Variants in SINHCAF observed in about 807,000 individuals in gnomAD.
SINHCAF encodes the protein SIN3-HDAC complex-associated factor.
Under a neutral mutation model 25.8 loss-of-function variants are expected in SINHCAF, and 3 were observed. The ratio of observed to expected loss-of-function variants is 0.12; its 90% CI spans 0.05 to 0.30. The LOEUF (loss-of-function observed/expected upper bound fraction) is 0.30, where lower values mean the gene tolerates loss of function less well. Ranked by LOEUF, SINHCAF falls within the 10% of genes least tolerant of loss-of-function variation. The probability of loss-of-function intolerance (pLI) is 1.00; values close to 1 mark genes in which losing one functional copy is unlikely to be tolerated. For synonymous variants in SINHCAF, 70 were observed against 85.5 expected, an observed-to-expected ratio of 0.82 and a Z score of 1.00; for missense variants, 121 against 262.3, an observed-to-expected ratio of 0.46 and a Z score of 3.72.
At position 31,325,179 on chromosome 12, in the gene SINHCAF, G is replaced by C. The variant is rs1939913121; in HGVS notation, c.-21+845C>G. 1 of 456,666 alleles carries C rather than the reference G, an allele frequency of 2.2e-6. No homozygotes were observed. Among genetic ancestry groups the C allele is most frequent in the Non-Finnish European group, 4.4e-6 (1 of 226,996 alleles). The allele number at this position is 456,666 out of a possible 1,614,324, so 28.3% of individuals were successfully genotyped here. A position where few individuals can be genotyped will look rare whatever the true frequency, so the allele number is the denominator to read the frequency against. The stretch of plus-strand genomic sequence containing the variant: ...CAGCGCGGACGGCCGCCCATAAACG[G>C]GAAGCCCTCGCGGTGTCGCCCACAC... On this transcript the variant is annotated intron_variant, in intron 1 of 5. Coordinates refer to ENST00000337682, the MANE Select transcript of SINHCAF (RefSeq NM_001135812.2). This position sits in a 1 kb window ranked among gnomAD's most constrained non-coding sequence, Gnocchi z 5.9.
intron 1 of SINHCAF, among the ~76,000 whole-genome samples, chr12:31,299,675 C>T (rs1938705057): frequency 6.6e-6 from 1 of 152,170 alleles, no homozygotes; most frequent in African/African-American, 2.4e-5. Context: ...CCACAGAACA[C>T]TATCTTTTTA....
intron 1 of SINHCAF, among the ~76,000 whole-genome samples, chr12:31,298,766 G>C (rs1216299343): frequency 6.6e-6 from 1 of 152,164 alleles, no homozygotes; most frequent in Non-Finnish European, 1.5e-5. Flanking sequence ...GTGATAAATG[G>C]GAAGTTCTAA....
At chr12:31,315,730 G>A (rs1008738569) in intron 1 of SINHCAF, among the ~76,000 whole-genome samples, 2 of 152,146 alleles carry the variant, frequency 1.3e-5, no homozygotes, top group Non-Finnish European at 2.9e-5. Context: ...TGCTTTCACA[G>A]GTGTAATAAA....
Position 31,280,978 on chromosome 12 carries a change from A to G in SINHCAF, c.*1734T>C, listed in dbSNP as rs1435158906. The G allele has an allele frequency of 1.3e-5, 2 of 152,194 alleles. No homozygotes were observed. The highest frequency in any genetic ancestry group is 4.8e-5 in the African/African-American group (2 of 41,448). 9.4% of individuals were successfully genotyped at this position (152,194 alleles called of 1,614,324 possible). A position where few individuals can be genotyped will look rare whatever the true frequency, so the allele number is the denominator to read the frequency against. ...ATAGTCTGTGCATATGGTGGCTTGT[A>G]GCATGTAGGTTTTTTCCAAAAGAAG... is the stretch of plus-strand genomic sequence containing the variant. On this transcript the variant is annotated 3_prime_UTR_variant, in exon 6 of 6. Coordinates refer to ENST00000337682, the MANE Select transcript of SINHCAF (RefSeq NM_001135812.2).
At chr12:31,310,956 G>A (rs1442474901) in intron 1 of SINHCAF, among the ~76,000 whole-genome samples, 5 of 148,576 alleles carry the variant, frequency 3.4e-5, no homozygotes, top group East Asian at 2.0e-4. Flanking sequence ...TGCAACCTCC[G>A]CCTCTGAGGT....
chr12:31,308,423 C>T (rs1382211398), intron 1 of SINHCAF, among the ~76,000 whole-genome samples: 2 of 152,096 alleles, frequency 1.3e-5, no homozygotes, highest in Non-Finnish European at 2.9e-5. Context: ...TAGTAGGAAG[C>T]ATCAAAAAAG....
chr12:31,325,465 G>A lies in SINHCAF; in HGVS notation c.-21+559C>T, dbSNP rs773552835. On this transcript the variant is annotated intron_variant, in intron 1 of 5. Coordinates refer to ENST00000337682, the MANE Select transcript of SINHCAF (RefSeq NM_001135812.2). The surrounding 1 kb of genome is among the most constrained non-coding windows in gnomAD (Gnocchi z 5.9). Reference sequence around the variant, plus strand: ...ACCCTCGGCCGCCAGCTCGGAAGCGGATGGCAACTTAGTTTCCGAGCGAAT... The same window carrying A: ...ACCCTCGGCCGCCAGCTCGGAAGCGAATGGCAACTTAGTTTCCGAGCGAAT... 5.8e-6 allele frequency: 2 copies of A among 347,232 alleles called. No homozygotes were observed. Among genetic ancestry groups the A allele is most frequent in the Non-Finnish European group, 1.1e-5 (2 of 174,552 alleles). 21.5% of individuals were successfully genotyped at this position (347,232 alleles called of 1,614,324 possible).
intron 5 of SINHCAF, among the ~76,000 whole-genome samples, chr12:31,286,662 C>CAAAAAA (rs999169211): frequency 1.8e-5 from 1 of 55,218 alleles, no homozygotes. Context: ...AACTCCGTCT[C>CAAAAAA]AAAAAAAAAA....
At chr12:31,322,569 C>T (rs912663046) in intron 1 of SINHCAF, among the ~76,000 whole-genome samples, 4 of 149,222 alleles carry the variant, frequency 2.7e-5, no homozygotes, top group East Asian at 2.0e-4. Context: ...TTTCATTTTC[C>T]TGACATGCTC....
chr12:31,325,440 A>C lies in SINHCAF; in HGVS notation c.-21+584T>G. On this transcript the variant is annotated intron_variant, in intron 1 of 5. Coordinates refer to ENST00000337682, the MANE Select transcript of SINHCAF (RefSeq NM_001135812.2). The surrounding 1 kb of genome is among the most constrained non-coding windows in gnomAD (Gnocchi z 5.9). ...CTGACCCCCAAAGGCCGATTTAAAG[A>C]CCCTCGGCCGCCAGCTCGGAAGCGG... is the stretch of plus-strand genomic sequence containing the variant. 2.9e-6 allele frequency: 1 copy of C among 341,512 alleles called. No homozygotes were observed. The highest frequency in any genetic ancestry group is 5.9e-6 in the Non-Finnish European group (1 of 170,858). 21.2% of individuals were successfully genotyped at this position (341,512 alleles called of 1,614,324 possible). A position where few individuals can be genotyped will look rare whatever the true frequency, so the allele number is the denominator to read the frequency against.
intron 1 of SINHCAF, among the ~76,000 whole-genome samples, chr12:31,299,845 C>A (rs1938714103): frequency 6.6e-6 from 1 of 152,226 alleles, no homozygotes; most frequent in South Asian, 2.1e-4. Context: ...GCCTACAACA[C>A]CCCTAGGCTA....
intron 3 of SINHCAF, among the ~76,000 whole-genome samples, chr12:31,294,817 CA>C (rs1219352165): frequency 1.3e-5 from 2 of 152,154 alleles, no homozygotes; most frequent in Non-Finnish European, 2.9e-5. Flanking sequence ...ATAACCTGCC[CA>C]AAATCCACAA....
intron 1 of SINHCAF, chr12:31,298,608 A>G (rs1158575581): frequency 4.1e-6 from 1 of 245,252 alleles, no homozygotes; most frequent in Non-Finnish European, 8.1e-6. Context: ...ACACCTTTTT[A>G]TTTTGCACAT....
chr12:31,324,196 C>G lies in SINHCAF; in HGVS notation c.-21+1828G>C. The G allele has an allele frequency of 4.8e-6, 1 of 208,614 alleles. No homozygotes were observed. The highest frequency in any genetic ancestry group is 9.3e-6 in the Non-Finnish European group (1 of 107,650). The allele number at this position is 208,614 out of a possible 1,614,324, so 12.9% of individuals were successfully genotyped here. On this transcript the variant is annotated intron_variant, in intron 1 of 5. Coordinates refer to ENST00000337682, the MANE Select transcript of SINHCAF (RefSeq NM_001135812.2). This position sits in a 1 kb window ranked among gnomAD's most constrained non-coding sequence, Gnocchi z 5.5. ...CGCCAGCCCGGCCCGGCGCCTCCCGCAGGCCGCGCCTCCCGCACGCCGCGC... is the reference window on the plus strand; with the variant it reads ...CGCCAGCCCGGCCCGGCGCCTCCCGGAGGCCGCGCCTCCCGCACGCCGCGC...
chr12:31,283,793 T>C (rs1309935054), intron 5 of SINHCAF, among the ~76,000 whole-genome samples: 1 of 151,698 alleles, frequency 6.6e-6, no homozygotes, highest in Non-Finnish European at 1.5e-5. Context: ...CACTCCCTTT[T>C]CTTTATACTT....
intron 4 of SINHCAF, among the ~76,000 whole-genome samples, chr12:31,289,929 A>G (rs1938235285): frequency 6.6e-6 from 1 of 150,432 alleles, no homozygotes. Context: ...AGCTCAAGCA[A>G]TCCTCCCGTC....
At chr12:31,302,838 ATACACAAGTT>A in intron 1 of SINHCAF, 1 of 663,268 alleles carries the variant, frequency 1.5e-6, no homozygotes, top group Non-Finnish European at 1.9e-6. Flanking sequence ...TCTATATCTG[ATACACAAGTT>A]TACAACCAGT....
intron 4 of SINHCAF, among the ~76,000 whole-genome samples, chr12:31,289,582 G>C (rs1938218233): frequency 6.6e-6 from 1 of 152,210 alleles, no homozygotes; most frequent in Non-Finnish European, 1.5e-5. Context: ...AACAGTCATT[G>C]TGCTATAAGG....
chr12:31,295,182 T>G, intron 3 of SINHCAF, 52 bp downstream of exon 3: 3 of 1,089,506 alleles, frequency 2.8e-6, no homozygotes, highest in South Asian at 2.8e-5. Context: ...GAAATTAATG[T>G]TACTTTAAAT....
Sources: allele counts gnomAD v4.1 joint callset (sites outside exome capture counted in the v4.1 genomes callset), GRCh38; gene constraint gnomAD v4.1.1; non-coding constraint Gnocchi (gnomAD v3.1); transcripts MANE v1.5; gene names NCBI Gene and HGNC (gene_info 2026-07-23, HGNC 2026-07-21).